Variants in SPOCK3 observed in about 807,000 individuals in gnomAD.
SPOCK3 encodes SPARC (osteonectin), cwcv and kazal like domains proteoglycan 3.
A neutral mutation model predicts 56.6 loss-of-function variants in SPOCK3; 30 were observed. The observed-to-expected ratio is 0.53, with a 90% confidence interval of 0.40 to 0.72. SPOCK3 has a LOEUF of 0.72. Among genes scored for constraint, SPOCK3 ranks in the 30% least tolerant of loss-of-function variants. SPOCK3 has a pLI of 0.00. For synonymous variants in SPOCK3, 196 were observed against 183.3 expected (o/e 1.07, Z -0.56); for missense variants, 527 against 530.0 (o/e 0.99, Z 0.06).
chr4:166,831,759 T>G (rs1579352455), intron 6 of SPOCK3, among the ~76,000 whole-genome samples: 2 of 63,134 alleles, frequency 3.2e-5, no homozygotes, highest in East Asian at 2.4e-4. Context: ...TCCATTTTTG[T>G]TTTTTTTTTT....
chr4:166,903,940 A>G (rs1280402640), intron 5 of SPOCK3, among the ~76,000 whole-genome samples: 1 of 152,034 alleles, frequency 6.6e-6, no homozygotes, highest in Non-Finnish European at 1.5e-5. Context: ...TATAATTCAA[A>G]TGATTATAAA....
At chr4:166,886,938 A>T (rs1396249786) in intron 6 of SPOCK3, among the ~76,000 whole-genome samples, 1 of 152,188 alleles carries the variant, frequency 6.6e-6, no homozygotes, top group Non-Finnish European at 1.5e-5. Flanking sequence ...AGCAGGTAGC[A>T]AAATCCTGTA....
rs1035167986 is a variant in SPOCK3, at chr4:166,872,256, T to C, written c.589+16874A>G. On this transcript the variant is annotated intron_variant, in intron 6 of 10. Coordinates refer to ENST00000357545, the MANE Select transcript of SPOCK3 (RefSeq NM_001040159.2). ...TAACAGAAGGTAGAAAGTATACATA[T>C]AGGATATAGAGAAATAAAATTATCT... Among the ~76,000 whole-genome samples, 5 of 152,134 alleles carry C rather than the reference T, an allele frequency of 3.3e-5. No homozygotes were observed. The South Asian group carries it at 6.2e-4, about 19-fold the overall frequency.
intron 6 of SPOCK3, among the ~76,000 whole-genome samples, chr4:166,827,884 A>C (rs1300882349): frequency 4.6e-5 from 7 of 151,914 alleles, no homozygotes; most frequent in African/African-American, 1.7e-4. Context: ...TTCTAAGACC[A>C]CATTATGAGG....
chr4:167,002,733 T>G (rs1284934910), intron 3 of SPOCK3, among the ~76,000 whole-genome samples: 1 of 152,180 alleles, frequency 6.6e-6, no homozygotes, highest in Non-Finnish European at 1.5e-5. Flanking sequence ...TTCGAAATAC[T>G]GCACTACAAA....
chr4:166,949,799 G>T (rs546847039), intron 4 of SPOCK3, among the ~76,000 whole-genome samples: 8 of 152,176 alleles, frequency 5.3e-5, no homozygotes, highest in Admixed American at 1.3e-4. Flanking sequence ...TTAAAGAAAA[G>T]AATTTTCAAC....
intron 2 of SPOCK3, among the ~76,000 whole-genome samples, chr4:167,066,978 C>A (rs1393979991): frequency 6.6e-6 from 1 of 151,804 alleles, no homozygotes; most frequent in Non-Finnish European, 1.5e-5. Flanking sequence ...ACAGCTACAT[C>A]TGTACTGATA....
chr4:166,988,722 T>A (rs1427632), intron 4 of SPOCK3, among the ~76,000 whole-genome samples: 152,033 of 152,242 alleles, frequency 1, 75,912 homozygotes, highest in Non-Finnish European at 1. Context: ...ATGGCAATTA[T>A]TACTGGTATA....
At chr4:167,120,536 A>C (rs779442837) in intron 2 of SPOCK3, among the ~76,000 whole-genome samples, 23 of 152,072 alleles carry the variant, frequency 1.5e-4, no homozygotes, top group Non-Finnish European at 2.8e-4. Context: ...TTGGAAAAAT[A>C]AATAATTCGA....
chr4:166,820,104 G>C (rs1291590927), intron 6 of SPOCK3, among the ~76,000 whole-genome samples: 1 of 152,004 alleles, frequency 6.6e-6, no homozygotes, highest in East Asian at 1.9e-4. Context: ...TCTCAGGAGA[G>C]TCTTTTTCGG....
rs1744830119 is a variant in SPOCK3, at chr4:166,967,191, G to A, written c.350+33158C>T. Among the ~76,000 whole-genome samples, 4 of 152,228 alleles carry A rather than the reference G, an allele frequency of 2.6e-5. No homozygotes were observed. In the South Asian group the frequency reaches 8.3e-4, roughly 32 times the overall value. ...CCCTGAATTCTAAGCTTGGAAACCA[G>A]GGTTCATCTTCTGGGTTCTACCTGT... On this transcript the variant is annotated intron_variant, in intron 4 of 10. Transcript: ENST00000357545.
At chr4:166,911,541 G>GTTTTT (rs1343793116) in intron 5 of SPOCK3, among the ~76,000 whole-genome samples, 1 of 151,848 alleles carries the variant, frequency 6.6e-6, no homozygotes, top group Non-Finnish European at 1.5e-5. Context: ...TTTTGTTTTT[G>GTTTTT]TTTTTTGTTT....
intron 2 of SPOCK3, among the ~76,000 whole-genome samples, chr4:167,114,920 A>AG (rs921210793): frequency 2.0e-5 from 3 of 149,372 alleles, no homozygotes; most frequent in Non-Finnish European, 4.5e-5. Flanking sequence ...CAGGACTAAG[A>AG]GAAAAAAAAA....
At chr4:167,215,725 T>C (rs1013501788) in intron 2 of SPOCK3, among the ~76,000 whole-genome samples, 4 of 152,138 alleles carry the variant, frequency 2.6e-5, no homozygotes, top group Admixed American at 6.6e-5. Flanking sequence ...TTGGTGTTGA[T>C]GTTTGAATAG....
intron 3 of SPOCK3, among the ~76,000 whole-genome samples, chr4:167,014,855 C>T (rs1750454623): frequency 6.6e-6 from 1 of 151,942 alleles, no homozygotes; most frequent in Admixed American, 6.6e-5. Flanking sequence ...GTTCTTAAAT[C>T]GGGTATCCGC....
At chr4:166,845,827 A>C (rs1747998332) in intron 6 of SPOCK3, among the ~76,000 whole-genome samples, 1 of 152,186 alleles carries the variant, frequency 6.6e-6, no homozygotes. Flanking sequence ...CATGTCACTT[A>C]ATTATGGGAA....
chr4:166,746,231 T>G (rs1450859379), intron 8 of SPOCK3, among the ~76,000 whole-genome samples: 2 of 152,134 alleles, frequency 1.3e-5, no homozygotes, highest in African/African-American at 4.8e-5. Flanking sequence ...CACCACTTAG[T>G]TGGAAGTAAA....
chr4:166,837,248 A>G (rs1420713300), intron 6 of SPOCK3, among the ~76,000 whole-genome samples: 1 of 152,224 alleles, frequency 6.6e-6, no homozygotes, highest in African/African-American at 2.4e-5. Context: ...AGTTAGACAC[A>G]CCAGCTTTAG....
At chr4:167,045,577 AC>A (rs1211231061) in intron 3 of SPOCK3, among the ~76,000 whole-genome samples, 1 of 152,036 alleles carries the variant, frequency 6.6e-6, no homozygotes, top group Non-Finnish European at 1.5e-5. Context: ...AGTTTCTACT[AC>A]TTAAATTATA....
Sources: gnomAD v4.1 joint callset for allele counts (sites outside exome capture counted in the v4.1 genomes callset) on GRCh38, gnomAD v4.1.1 for gene constraint, MANE v1.5 for transcripts, NCBI Gene and HGNC (gene_info 2026-07-23, HGNC 2026-07-21) for gene names.